Variants in CFAP221 observed in about 807,000 individuals in gnomAD.
The protein encoded by CFAP221 is cilia- and flagella-associated protein 221.
A neutral mutation model predicts 113.1 loss-of-function variants in CFAP221; 97 were observed. The observed-to-expected ratio is 0.86, with a 90% CI of 0.73 to 1.02. The LOEUF (loss-of-function observed/expected upper bound fraction) is 1.02, where lower values mean the gene tolerates loss of function less well. Among genes scored for constraint, CFAP221 ranks in the 50% least tolerant of loss-of-function variants. The probability of loss-of-function intolerance (pLI) is 0.00; values close to 1 mark genes in which losing one functional copy is unlikely to be tolerated. For missense variants in CFAP221, 1,025 were observed against 1,013.4 expected (o/e 1.01, Z -0.16); for synonymous variants, 331 against 354.4 (o/e 0.93, Z 0.74).
At chr2:119,635,476 G>A (rs1356976813) in intron 19 of CFAP221, among the ~76,000 whole-genome samples, 4 of 152,158 alleles carry the variant, frequency 2.6e-5, no homozygotes, top group African/African-American at 9.7e-5. Flanking sequence ...GTAATCTACA[G>A]AGACAGAAAG....
chr2:119,625,574 C>T lies in CFAP221; in HGVS notation c.1411-9C>T, dbSNP rs773903983. The T allele has an allele frequency of 3.7e-6, 6 of 1,600,612 alleles. No individual in the cohort carries two copies. The East Asian group carries it at 1.1e-4, about 30-fold the overall frequency. On this transcript the variant is annotated splice_polypyrimidine_tract_variant and intron_variant, in intron 14 of 23. Transcript: ENST00000413369. ...AATAATTTGAAATCATTATCCACTC[C>T]AATTTCAGGTCATGATTCAGGGACG...
intron 2 of CFAP221, among the ~76,000 whole-genome samples, chr2:119,548,198 A>G (rs887527988): frequency 6.6e-6 from 1 of 152,164 alleles, no homozygotes; most frequent in East Asian, 1.9e-4. Flanking sequence ...TCCTGGGCTC[A>G]AGCGATCCTC....
intron 6 of CFAP221, among the ~76,000 whole-genome samples, chr2:119,565,579 C>T (rs1022051324): frequency 1.9e-4 from 29 of 152,140 alleles, no homozygotes; most frequent in African/African-American, 7.0e-4. Flanking sequence ...GTATATAACA[C>T]CATTCATTTG....
intron 6 of CFAP221, 52 bp downstream of exon 6, chr2:119,562,166 T>C (rs2104543252): frequency 1.6e-6 from 2 of 1,247,278 alleles, no homozygotes; most frequent in South Asian, 2.6e-5. Context: ...AACTAAGAGA[T>C]ACTCATACAA....
rs2104817882 is a variant in CFAP221 at position 119,652,036 on chromosome 2, C to T, written c.2381C>T (p.Pro794Leu). ...CCAGAAATGATCAAAGTGGAATTCC[C>T]TATGTTGAACTACAAGGACATCAGG... ...LTPEMIKVEF[P>L]MLNYKDIRKE... Residue 794 changes from proline (P) to leucine (L), a missense_variant, in exon 23 of 24, where the codon CCT becomes CTT. By Grantham distance (98) the Pro-to-Leu change is moderately conservative. Transcript: ENST00000413369. The T allele has an allele frequency of 6.2e-7, 1 of 1,613,056 alleles. No individual in the cohort carries two copies. The highest frequency in any genetic ancestry group is 1.1e-5 in the South Asian group (1 of 90,922).
At chr2:119,612,319 A>T (rs1685232873) in intron 13 of CFAP221, among the ~76,000 whole-genome samples, 1 of 152,236 alleles carries the variant, frequency 6.6e-6, no homozygotes, top group Non-Finnish European at 1.5e-5. Context: ...AAAAGGTTTA[A>T]TTGACTCATA....
chr2:119,644,095 G>A (rs1687655616), intron 21 of CFAP221, among the ~76,000 whole-genome samples: 1 of 152,074 alleles, frequency 6.6e-6, no homozygotes, highest in African/African-American at 2.4e-5. Flanking sequence ...AGAGCTTGCA[G>A]TGAACCAATA....
chr2:119,627,316 T>A (rs1429863660), intron 15 of CFAP221, among the ~76,000 whole-genome samples: 1 of 152,198 alleles, frequency 6.6e-6, no homozygotes, highest in Admixed American at 6.5e-5. Context: ...AAAGAAACTC[T>A]TTTTTCTAAA....
chr2:119,597,361 G>A (rs968860473), intron 7 of CFAP221, among the ~76,000 whole-genome samples: 1 of 152,186 alleles, frequency 6.6e-6, no homozygotes. Context: ...GCTGGGGAGT[G>A]TTGCCACTGT....
chr2:119,618,898 G>C (rs1001260307), intron 14 of CFAP221, among the ~76,000 whole-genome samples: 2 of 152,148 alleles, frequency 1.3e-5, no homozygotes, highest in South Asian at 2.1e-4. Flanking sequence ...GAGCTTGGTG[G>C]GGGGAGGGGC....
At chr2:119,588,238 A>G (rs1270719974) in intron 7 of CFAP221, among the ~76,000 whole-genome samples, 1 of 152,190 alleles carries the variant, frequency 6.6e-6, no homozygotes, top group Non-Finnish European at 1.5e-5. Context: ...AGGGACCACT[A>G]CAATTTCTGA....
At chr2:119,578,177 G>A (rs1682587350) in intron 6 of CFAP221, among the ~76,000 whole-genome samples, 1 of 152,226 alleles carries the variant, frequency 6.6e-6, no homozygotes, top group African/African-American at 2.4e-5. Flanking sequence ...AAGAGAAATG[G>A]AAGATACCAG....
intron 3 of CFAP221, among the ~76,000 whole-genome samples, chr2:119,558,755 G>A (rs778842058): frequency 1.3e-5 from 2 of 152,098 alleles, no homozygotes; most frequent in Non-Finnish European, 2.9e-5. Flanking sequence ...GCAGGAGTTC[G>A]AGGCTTCAGT....
At chr2:119,573,266 A>G (rs1253363869) in intron 6 of CFAP221, 1 of 152,228 alleles carries the variant, frequency 6.6e-6, no homozygotes, top group Admixed American at 6.5e-5. Context: ...GATCAAATTG[A>G]TGTTCACAAG....
chr2:119,625,121 C>T (rs1686206255), intron 14 of CFAP221, among the ~76,000 whole-genome samples: 2 of 152,142 alleles, frequency 1.3e-5, no homozygotes, highest in Non-Finnish European at 2.9e-5. Flanking sequence ...GTAGCACTCA[C>T]CTGCAGTAGC....
chr2:119,621,081 C>T (rs999756422), intron 14 of CFAP221, among the ~76,000 whole-genome samples: 6 of 152,070 alleles, frequency 3.9e-5, no homozygotes, highest in East Asian at 3.9e-4. Context: ...AAAAATTAGC[C>T]GGGTGTGCTT....
chr2:119,571,133 CT>C (rs34017847), intron 6 of CFAP221, among the ~76,000 whole-genome samples: 3,222 of 93,204 alleles, frequency 0.035, 14 homozygotes, highest in Non-Finnish European at 0.044. Context: ...TAACAACCCC[CT>C]TTTTTTTTTT....
At chr2:119,575,295 T>G (rs1574038608) in intron 6 of CFAP221, among the ~76,000 whole-genome samples, 1 of 152,204 alleles carries the variant, frequency 6.6e-6, no homozygotes, top group African/African-American at 2.4e-5. Context: ...CTTTCGCTCC[T>G]GATGCCAGCT....
intron 3 of CFAP221, among the ~76,000 whole-genome samples, chr2:119,558,821 C>G (rs1428832877): frequency 6.6e-6 from 1 of 151,982 alleles, no homozygotes; most frequent in Non-Finnish European, 1.5e-5. Flanking sequence ...GACCCTGTCT[C>G]AAAAATAAAA....
Sources: gnomAD v4.1 joint callset for allele counts (sites outside exome capture counted in the v4.1 genomes callset) on GRCh38, gnomAD v4.1.1 for gene constraint, MANE v1.5 for transcripts, NCBI Gene and HGNC (gene_info 2026-07-23, HGNC 2026-07-21) for gene names.